Variants in OR6C3 observed in about 807,000 individuals in gnomAD.
OR6C3 encodes olfactory receptor 6C3.
For missense variants in OR6C3, 487 were observed against 364.6 expected (o/e 1.34, Z -2.73); for synonymous variants, 177 against 137.4 (o/e 1.29, Z -2.02).
chr12:55,332,466 T>C lies in OR6C3; in HGVS notation c.766T>C (p.Tyr256His). The C allele has an allele frequency of 6.2e-7, 1 of 1,614,088 alleles. No individual in the cohort carries two copies. The highest frequency in any genetic ancestry group is 8.5e-7 in the Non-Finnish European group (1 of 1,179,988). ...TTCTTATGGAAGCTGTATATTCATGTATGCTAATCCATCTGCAAAAGAAAA... is the reference window on the plus strand; with the variant it reads ...TTCTTATGGAAGCTGTATATTCATGCATGCTAATCCATCTGCAAAAGAAAA... ...SISYGSCIFM[Y>H]ANPSAKEKAS... The change falls in exon 2 of 2, where the codon TAT becomes CAT. Residue 256 changes from tyrosine (Y) to histidine (H), a missense_variant. By Grantham distance (83) the Tyr-to-His change is moderately conservative. Transcript: ENST00000641740.
Position 55,332,634 on chromosome 12 carries a change from T to C in OR6C3, c.934T>C (p.Ter312ArgextTer?). 1 of 1,558,722 alleles carries C rather than the reference T, an allele frequency of 6.4e-7. No individual in the cohort carries two copies. The highest frequency in any genetic ancestry group is 1.2e-5 in the South Asian group (1 of 84,058). ...VHKVVFYANQ[*>R] ...CAAAGTTGTGTTTTATGCAAATCAA[T>C]GAATTTTTGGTCAAAAATAAAGAGC... The change falls in exon 2 of 2, where the codon TGA becomes CGA. Residue 312 changes from the stop codon to arginine, a stop_lost. Coordinates refer to ENST00000641740, the MANE Select transcript of OR6C3 (RefSeq NM_001388498.1).
intron 1 of OR6C3, among the ~76,000 whole-genome samples, chr12:55,331,154 A>T (rs1331514490): frequency 3.3e-5 from 5 of 151,484 alleles, no homozygotes; most frequent in African/African-American, 1.2e-4. Flanking sequence ...TTTAATATAA[A>T]TATATGTTTT....
In OR6C3 at chr12:55,331,804, G is replaced by A. The variant is rs779007501; in HGVS notation, c.104G>A (p.Ser35Asn). 17 of 1,613,494 alleles carry A rather than the reference G, an allele frequency of 1.1e-5. No individual in the cohort carries two copies. The South Asian group carries it at 1.3e-4, about 13-fold the overall frequency. Residue 35 changes from serine to asparagine, a missense_variant, in exon 2 of 2, where the codon AGT (serine) becomes AAT (asparagine). By Grantham distance (46) the Ser-to-Asn change is conservative. Coordinates refer to ENST00000641740, the MANE Select transcript of OR6C3 (RefSeq NM_001388498.1). Reference sequence around the variant, plus strand: ...TTTTTATTTATCACGTATATATTAAGTGTTACTGGAAACCTGACTATCATC... The same window carrying A: ...TTTTTATTTATCACGTATATATTAAATGTTACTGGAAACCTGACTATCATC... ...FLFLFITYIL[S>N]VTGNLTIITL...
At position 55,332,013 on chromosome 12, in the gene OR6C3, G is replaced by C. The variant is rs775872247; in HGVS notation, c.313G>C (p.Gly105Arg). ...CCAACTCTTTTTCTTTATCTTCATGGGGGTGACTGAATTTTACATTTTAAC... is the reference window on the plus strand; with the variant it reads ...CCAACTCTTTTTCTTTATCTTCATGCGGGTGACTGAATTTTACATTTTAAC... ...AAQLFFFIFM[G>R]VTEFYILTAM... is the part of the protein sequence containing the mutation. The change falls in exon 2 of 2, where the codon GGG (glycine) becomes CGG (arginine). Residue 105 changes from glycine to arginine, a missense_variant. Physicochemically the swap from Gly to Arg is moderately radical, Grantham distance 125. Coordinates refer to ENST00000641740, the MANE Select transcript of OR6C3 (RefSeq NM_001388498.1). 1 of 1,613,976 alleles carries C rather than the reference G, an allele frequency of 6.2e-7. No homozygotes were observed. Among genetic ancestry groups the C allele is most frequent in the Non-Finnish European group, 8.5e-7 (1 of 1,179,984 alleles).
At position 55,332,409 on chromosome 12, in the gene OR6C3, A is replaced by C; in HGVS notation, c.709A>C (p.Thr237Pro). ...SASQRKKAFS[T>P]CSSHMIVISI... ...CAGTCAAAGAAAAAAGGCTTTCTCC[A>C]CTTGTTCTTCTCACATGATTGTCAT... Residue 237 changes from threonine (T) to proline (P), a missense_variant, in exon 2 of 2, where the codon ACT becomes CCT. Physicochemically the swap from Thr to Pro is conservative, Grantham distance 38. Transcript: ENST00000641740. 6.2e-7 allele frequency: 1 copy of C among 1,613,968 alleles called. No individual in the cohort carries two copies. Among genetic ancestry groups the C allele is most frequent in the African/African-American group, 1.3e-5 (1 of 75,022 alleles).
Position 55,332,273 on chromosome 12 carries a change from C to T in OR6C3, c.573C>T (p.Leu191=). ...AACTATCTTGTTCAGATACATGGCT[C>T]CTAGAAGTAATTGGTTTTTACTTTG... is the stretch of plus-strand genomic sequence containing the variant. ...LLQLSCSDTW[L]LEVIGFYFAL... is the part of the protein sequence containing the mutation. Residue 191 remains leucine (L), a synonymous_variant, in exon 2 of 2, where the codon CTC becomes CTT. Transcript: ENST00000641740. The T allele has an allele frequency of 1.9e-6, 3 of 1,613,988 alleles. No homozygotes were observed. The highest frequency in any genetic ancestry group is 2.5e-6 in the Non-Finnish European group (3 of 1,179,984).
chr12:55,330,400 T>C (rs1466179763), upstream of OR6C3: 1 of 152,120 alleles, frequency 6.6e-6, no homozygotes, highest in Non-Finnish European at 1.5e-5. Flanking sequence ...CCTTAAACCA[T>C]TATAAAATAG....
rs770122318 is a variant in OR6C3, at chr12:55,332,004, A to T, written c.304A>T (p.Ile102Phe). Residue 102 changes from isoleucine to phenylalanine, a missense_variant, in exon 2 of 2, where the codon ATC becomes TTC. Ile to Phe is a conservative substitution (Grantham distance 21). Coordinates refer to ENST00000641740, the MANE Select transcript of OR6C3 (RefSeq NM_001388498.1). ...NNCAAQLFFF[I>F]FMGVTEFYIL... ...CTGTGCAGCCCAACTCTTTTTCTTT[A>T]TCTTCATGGGGGTGACTGAATTTTA... is the stretch of plus-strand genomic sequence containing the variant. 2 of 1,614,102 alleles carry T rather than the reference A, an allele frequency of 1.2e-6. No individual in the cohort carries two copies. The highest frequency in any genetic ancestry group is 1.7e-6 in the Non-Finnish European group (2 of 1,180,004).
chr12:55,332,128 T>A lies in OR6C3; in HGVS notation c.428T>A (p.Leu143Gln). Residue 143 changes from leucine (L) to glutamine (Q), a missense_variant, in exon 2 of 2, where the codon CTG becomes CAG. Coordinates refer to ENST00000641740, the MANE Select transcript of OR6C3 (RefSeq NM_001388498.1). ...AGGAAACTCTGCACTCTACTTGTGC[T>A]GTGTGCCTGGCTAAGTGGGTTTCTG... is the stretch of plus-strand genomic sequence containing the variant. ...MNRKLCTLLV[L>Q]CAWLSGFLTI... The A allele has an allele frequency of 6.2e-7, 1 of 1,614,188 alleles. No individual in the cohort carries two copies.
Position 55,331,640 on chromosome 12 carries a change from CA to C in OR6C3, c.-44-13del. 9.4e-7 allele frequency: 1 copy of C among 1,068,398 alleles called. No individual in the cohort carries two copies. The allele number at this position is 1,068,398 out of a possible 1,614,324, so 66.2% of individuals were successfully genotyped here. A position where few individuals can be genotyped will look rare whatever the true frequency, so the allele number is the denominator to read the frequency against. On this transcript the variant is annotated splice_polypyrimidine_tract_variant and intron_variant, in intron 1 of 1. Transcript: ENST00000641740. ...CTATTTTCCTTAATTATCATTCTAC[CA>C]AAATATCTTTAAAAGAACAAAAAGG...
In OR6C3 at chr12:55,332,138, G is replaced by C; in HGVS notation, c.438G>C (p.Trp146Cys). The C allele has an allele frequency of 6.2e-7, 1 of 1,614,036 alleles. No individual in the cohort carries two copies. The highest frequency in any genetic ancestry group is 8.5e-7 in the Non-Finnish European group (1 of 1,180,022). Residue 146 changes from tryptophan to cysteine, a missense_variant, in exon 2 of 2, where the codon TGG becomes TGC. Coordinates refer to ENST00000641740, the MANE Select transcript of OR6C3 (RefSeq NM_001388498.1). Reference sequence around the variant, plus strand: ...GCACTCTACTTGTGCTGTGTGCCTGGCTAAGTGGGTTTCTGACCATTTTCC... The same window carrying C: ...GCACTCTACTTGTGCTGTGTGCCTGCCTAAGTGGGTTTCTGACCATTTTCC... ...KLCTLLVLCA[W>C]LSGFLTIFPP...
chr12:55,330,102 T>A (rs1458646857), upstream of OR6C3: 1 of 152,148 alleles, frequency 6.6e-6, no homozygotes, highest in Non-Finnish European at 1.5e-5. Context: ...CTTTGCTTTG[T>A]TCCCAGGAGA....
At position 55,332,418 on chromosome 12, in the gene OR6C3, T is replaced by C; in HGVS notation, c.718T>C (p.Ser240Pro). 3.7e-6 allele frequency: 6 copies of C among 1,614,080 alleles called. No homozygotes were observed. Among genetic ancestry groups the C allele is most frequent in the Non-Finnish European group, 5.1e-6 (6 of 1,179,972 alleles). Residue 240 changes from serine (S) to proline (P), a missense_variant, in exon 2 of 2, where the codon TCT becomes CCT. Coordinates refer to ENST00000641740, the MANE Select transcript of OR6C3 (RefSeq NM_001388498.1). Reference sequence around the variant, plus strand: ...AAAAAAGGCTTTCTCCACTTGTTCTTCTCACATGATTGTCATTTCCATTTC... The same window carrying C: ...AAAAAAGGCTTTCTCCACTTGTTCTCCTCACATGATTGTCATTTCCATTTC... Reference protein sequence around the residue: ...QRKKAFSTCSSHMIVISISYG... With the variant: ...QRKKAFSTCSPHMIVISISYG...
In OR6C3 at chr12:55,332,362, C is replaced by A; in HGVS notation, c.662C>A (p.Thr221Asn). 6.2e-7 allele frequency: 1 copy of A among 1,614,122 alleles called. No individual in the cohort carries two copies. Among genetic ancestry groups the A allele is most frequent in the Non-Finnish European group, 8.5e-7 (1 of 1,180,016 alleles). ...TTATCTTACATGTACATTATCAGGA[C>A]CATTTTGAGAATCCCGTCTGCCAGT... ...VILSYMYIIR[T>N]ILRIPSASQR... Residue 221 changes from threonine (T) to asparagine (N), a missense_variant, in exon 2 of 2, where the codon ACC becomes AAC. Transcript: ENST00000641740.
At position 55,332,478 on chromosome 12, in the gene OR6C3, T is replaced by C; in HGVS notation, c.778T>C (p.Ser260Pro). 6.2e-7 allele frequency: 1 copy of C among 1,614,054 alleles called. No individual in the cohort carries two copies. Among genetic ancestry groups the C allele is most frequent in the South Asian group, 1.1e-5 (1 of 91,074 alleles). The change falls in exon 2 of 2, where the codon TCT (serine) becomes CCT (proline). Residue 260 changes from serine to proline, a missense_variant. Coordinates refer to ENST00000641740, the MANE Select transcript of OR6C3 (RefSeq NM_001388498.1). ...GSCIFMYANP[S>P]AKEKASLTKG... is the part of the protein sequence containing the mutation. ...CTGTATATTCATGTATGCTAATCCATCTGCAAAAGAAAAGGCATCATTGAC... is the reference window on the plus strand; with the variant it reads ...CTGTATATTCATGTATGCTAATCCACCTGCAAAAGAAAAGGCATCATTGAC...
At position 55,332,242 on chromosome 12, in the gene OR6C3, T is replaced by C. The variant is rs1434806834; in HGVS notation, c.542T>C (p.Leu181Pro). Residue 181 changes from leucine to proline, a missense_variant, in exon 2 of 2, where the codon CTC becomes CCC. Coordinates refer to ENST00000641740, the MANE Select transcript of OR6C3 (RefSeq NM_001388498.1). Reference protein sequence around the residue: ...IDHFACDYFPLLQLSCSDTWL... With the variant: ...IDHFACDYFPPLQLSCSDTWL... ...CACTTTGCATGTGACTATTTTCCCC[T>C]CTTACAACTATCTTGTTCAGATACA... is the stretch of plus-strand genomic sequence containing the variant. The C allele has an allele frequency of 6.2e-7, 1 of 1,614,044 alleles. No homozygotes were observed. Among genetic ancestry groups the C allele is most frequent in the Non-Finnish European group, 8.5e-7 (1 of 1,180,038 alleles).
Position 55,332,485 on chromosome 12 carries a change from A to G in OR6C3, c.785A>G (p.Lys262Arg). 1.2e-6 allele frequency: 2 copies of G among 1,614,028 alleles called. No individual in the cohort carries two copies. Among genetic ancestry groups the G allele is most frequent in the Non-Finnish European group, 1.7e-6 (2 of 1,179,982 alleles). Residue 262 changes from lysine to arginine, a missense_variant, in exon 2 of 2, where the codon AAA becomes AGA. Coordinates refer to ENST00000641740, the MANE Select transcript of OR6C3 (RefSeq NM_001388498.1). Reference sequence around the variant, plus strand: ...TTCATGTATGCTAATCCATCTGCAAAAGAAAAGGCATCATTGACAAAAGGA... The same window carrying G: ...TTCATGTATGCTAATCCATCTGCAAGAGAAAAGGCATCATTGACAAAAGGA... The part of the protein sequence containing the change: ...CIFMYANPSA[K>R]EKASLTKGIA...
In OR6C3 at chr12:55,332,266, C is replaced by T. The variant is rs756758178; in HGVS notation, c.566C>T (p.Thr189Ile). 2.5e-6 allele frequency: 4 copies of T among 1,614,012 alleles called. No individual in the cohort carries two copies. The Admixed American group carries it at 6.7e-5, about 27-fold the overall frequency. ...FPLLQLSCSDTWLLEVIGFYF... is the reference protein window; with the variant it reads ...FPLLQLSCSDIWLLEVIGFYF... ...CTCTTACAACTATCTTGTTCAGATA[C>T]ATGGCTCCTAGAAGTAATTGGTTTT... is the stretch of plus-strand genomic sequence containing the variant. The change falls in exon 2 of 2, where the codon ACA becomes ATA. Residue 189 changes from threonine (T) to isoleucine (I), a missense_variant. Transcript: ENST00000641740.
chr12:55,330,247 T>C (rs1868800650), upstream of OR6C3: 1 of 152,210 alleles, frequency 6.6e-6, no homozygotes, highest in Non-Finnish European at 1.5e-5. Context: ...CTTTAAATTT[T>C]TTTTTAACTT....
Sources: gnomAD v4.1 joint callset for allele counts (sites outside exome capture counted in the v4.1 genomes callset) on GRCh38, gnomAD v4.1.1 for gene constraint, MANE v1.5 for transcripts, NCBI Gene and HGNC (gene_info 2026-07-23, HGNC 2026-07-21) for gene names.